Variants in FYCO1 observed in about 807,000 individuals in gnomAD.
FYCO1 encodes FYVE and coiled-coil domain-containing protein 1.
In FYCO1, 122 loss-of-function variants were observed where a neutral mutation model predicts 165.1. The observed-to-expected ratio is 0.74, with a 90% CI of 0.64 to 0.86. The LOEUF (loss-of-function observed/expected upper bound fraction) is 0.86, where lower values mean the gene tolerates loss of function less well. FYCO1 is among the 40% of genes least tolerant of loss of function. FYCO1 has a pLI of 0.00. For missense variants in FYCO1, 1,702 were observed against 1,810.3 expected (o/e 0.94, Z 1.09); for synonymous variants, 648 against 742.5 (o/e 0.87, Z 2.07).
intron 14 of FYCO1, among the ~76,000 whole-genome samples, chr3:45,937,931 C>G (rs1290041921): frequency 6.6e-6 from 1 of 152,126 alleles, no homozygotes; most frequent in Admixed American, 6.5e-5. Flanking sequence ...GTGCGGCCAC[C>G]CACTTGACAG....
At chr3:45,971,078 C>T (rs1478505248) in intron 6 of FYCO1, among the ~76,000 whole-genome samples, 1 of 152,120 alleles carries the variant, frequency 6.6e-6, no homozygotes, top group African/African-American at 2.4e-5. Context: ...AACCAAACCT[C>T]CCCACAAGAG....
In FYCO1 at chr3:45,968,197, T is replaced by G. The variant is rs779136457; in HGVS notation, c.1137A>C (p.Ala379=). Residue 379 remains alanine (A), a synonymous_variant, in exon 8 of 18, where the codon GCA becomes GCC. Transcript: ENST00000296137. The part of the protein sequence containing the change: ...PGWLAMAQQK[A]DTASDTKGRQ... ...GGCCCTTTGTGTCTGATGCCGTATC[T>G]GCCTTCTGCTGAGCCATGGCTAGCC... 1.6e-5 allele frequency: 26 copies of G among 1,614,098 alleles called. No homozygotes were observed. In the East Asian group the frequency reaches 5.6e-4, roughly 35 times the overall value.
At chr3:45,975,166 T>C in intron 5 of FYCO1, 73 bp downstream of exon 5, 2 of 988,996 alleles carry the variant, frequency 2.0e-6, no homozygotes, top group Non-Finnish European at 3.3e-6. Context: ...GTTGCAGCTG[T>C]CATTATTATT....
chr3:45,975,112 G>C (rs1706673979), intron 5 of FYCO1, 127 bp downstream of exon 5: 1 of 768,988 alleles, frequency 1.3e-6, no homozygotes. Flanking sequence ...TGATATATGT[G>C]GAAGGAGTCT....
chr3:45,962,464 G>A lies in FYCO1; in HGVS notation c.3270-72C>T. On this transcript the variant is annotated intron_variant, in intron 10 of 17. Transcript: ENST00000296137. This position sits in a 1 kb window ranked among gnomAD's most constrained non-coding sequence, Gnocchi z 4.4. Reference sequence around the variant, plus strand: ...TTTCCCAGGGCTCTAAGCTCACCCAGGACTCTAATGAGGGGTGCTACTGCC... The same window carrying A: ...TTTCCCAGGGCTCTAAGCTCACCCAAGACTCTAATGAGGGGTGCTACTGCC... 3.6e-6 allele frequency: 5 copies of A among 1,395,392 alleles called. No individual in the cohort carries two copies. The highest frequency in any genetic ancestry group is 5.1e-6 in the Non-Finnish European group (5 of 980,974). The allele number at this position is 1,395,392 out of a possible 1,614,324, so 86.4% of individuals were successfully genotyped here. A position where few individuals can be genotyped will look rare whatever the true frequency, so the allele number is the denominator to read the frequency against.
intron 2 of FYCO1, among the ~76,000 whole-genome samples, chr3:45,982,605 ATCCTGGAAAACCTTT>A (rs576973058): frequency 3.4e-4 from 45 of 132,502 alleles, no homozygotes; most frequent in African/African-American, 1.3e-3. Flanking sequence ...TTTGGTTTAG[ATCCTGGAAAACCTTT>A]TCCCAGCAGA....
At chr3:45,945,641 C>G (rs1217953910) in intron 14 of FYCO1, 1 of 152,148 alleles carries the variant, frequency 6.6e-6, no homozygotes, top group Non-Finnish European at 1.5e-5. Flanking sequence ...GGAAATCTAC[C>G]TTTTAAGAGA....
At chr3:45,943,765 AG>A (rs1257070693) in intron 14 of FYCO1, among the ~76,000 whole-genome samples, 2 of 152,192 alleles carry the variant, frequency 1.3e-5, no homozygotes, top group Non-Finnish European at 2.9e-5. Context: ...GCACACAGTT[AG>A]TGCTTGCAGG....
In FYCO1 at chr3:45,966,522, C is replaced by G. The variant is rs1706026938; in HGVS notation, c.2812G>C (p.Glu938Gln). The change falls in exon 8 of 18, where the codon GAG (glutamate) becomes CAG (glutamine). Residue 938 changes from glutamate to glutamine, a missense_variant. Coordinates refer to ENST00000296137, the MANE Select transcript of FYCO1 (RefSeq NM_024513.4). ...CCCTCTCGCTCCCTTGAGGCTGCCTCTTTGGCGTCCTGGAGCTCCTGGACA... is the reference window on the plus strand; with the variant it reads ...CCCTCTCGCTCCCTTGAGGCTGCCTGTTTGGCGTCCTGGAGCTCCTGGACA... ...CAVQELQDAK[E>Q]AASREREGLE... 1.2e-6 allele frequency: 2 copies of G among 1,613,240 alleles called. No individual in the cohort carries two copies. Among genetic ancestry groups the G allele is most frequent in the African/African-American group, 2.7e-5 (2 of 74,936 alleles).
intron 3 of FYCO1, among the ~76,000 whole-genome samples, chr3:45,980,079 G>A (rs1016110924): frequency 6.6e-6 from 1 of 152,240 alleles, no homozygotes; most frequent in Non-Finnish European, 1.5e-5. Flanking sequence ...GCCATGTGCG[G>A]TGGCTCACGC....
Position 45,964,620 on chromosome 3 carries a change from G to C in FYCO1, c.3151-166C>G. The C allele has an allele frequency of 1.1e-6, 1 of 887,648 alleles. No homozygotes were observed. Among genetic ancestry groups the C allele is most frequent in the Non-Finnish European group, 1.4e-6 (1 of 740,720 alleles). 55.0% of individuals were successfully genotyped at this position (887,648 alleles called of 1,614,324 possible). On this transcript the variant is annotated intron_variant, in intron 9 of 17. Coordinates refer to ENST00000296137, the MANE Select transcript of FYCO1 (RefSeq NM_024513.4). This position sits in a 1 kb window ranked among gnomAD's most constrained non-coding sequence, Gnocchi z 4.1. ...ATGAACCTCTGCTCTATATTTGTGG[G>C]GCCTCAACTGCAACTAGTTGTGGTG...
chr3:45,979,730 A>G lies in FYCO1; in HGVS notation c.263T>C (p.Ile88Thr), dbSNP rs770956031. 14 of 1,613,962 alleles carry G rather than the reference A, an allele frequency of 8.7e-6. No homozygotes were observed. In the East Asian group the frequency reaches 3.1e-4, roughly 36 times the overall value. The change falls in exon 4 of 18, where the codon ATC (isoleucine) becomes ACC (threonine). Residue 88 changes from isoleucine (I) to threonine (T), a missense_variant. Transcript: ENST00000296137. ...LAKVKGANDG[I>T]RFVKSISELR... ...CTCTGAGATAGACTTGACAAAGCGG[A>G]TCCCATCATTGGCTCCTTTCACCTT... is the stretch of plus-strand genomic sequence containing the variant.
In FYCO1 at chr3:45,966,350, G is replaced by A; in HGVS notation, c.2984C>T (p.Ala995Val). The change falls in exon 8 of 18, where the codon GCT (alanine) becomes GTT (valine). Residue 995 changes from alanine (A) to valine (V), a missense_variant. Physicochemically the swap from Ala to Val is moderately conservative, Grantham distance 64. Coordinates refer to ENST00000296137, the MANE Select transcript of FYCO1 (RefSeq NM_024513.4). ...AEQRAQSLQE[A>V]AHQELNTLKF... ...GAGGGTGTTGAGCTCCTGGTGTGCA[G>A]CCTCTTGGAGGCTCTGGGCCCGCTG... The A allele has an allele frequency of 6.2e-7, 1 of 1,614,234 alleles. No homozygotes were observed. Among genetic ancestry groups the A allele is most frequent in the Non-Finnish European group, 8.5e-7 (1 of 1,180,030 alleles).
Position 45,921,496 on chromosome 3 carries a change from C to T in FYCO1, c.*269G>A. On this transcript the variant is annotated 3_prime_UTR_variant, in exon 18 of 18. Coordinates refer to ENST00000296137, the MANE Select transcript of FYCO1 (RefSeq NM_024513.4). ...GCTGATGGTCTCCTGGGTGTTTAAA[C>T]CTTTGGCAGAGCATCCCTTTGGGTG... is the stretch of plus-strand genomic sequence containing the variant. 2.2e-6 allele frequency: 1 copy of T among 459,652 alleles called. No homozygotes were observed. Among genetic ancestry groups the T allele is most frequent in the Non-Finnish European group, 4.0e-6 (1 of 248,288 alleles). The allele number at this position is 459,652 out of a possible 1,614,324, so 28.5% of individuals were successfully genotyped here. A position where few individuals can be genotyped will look rare whatever the true frequency, so the allele number is the denominator to read the frequency against.
intron 14 of FYCO1, 41 bp downstream of exon 14, chr3:45,955,208 C>T (rs1470442598): frequency 2.5e-6 from 4 of 1,609,046 alleles, no homozygotes; most frequent in Middle Eastern, 2.0e-4. Context: ...GGGGCCAGGC[C>T]TGTAATGAGC....
At chr3:45,925,652 A>C (rs1363420605) in intron 16 of FYCO1, among the ~76,000 whole-genome samples, 2 of 152,212 alleles carry the variant, frequency 1.3e-5, no homozygotes, top group Admixed American at 6.5e-5. Context: ...GTGAATTCCC[A>C]CAAAGGACTC....
chr3:45,959,875 C>A (rs34849862), intron 11 of FYCO1, among the ~76,000 whole-genome samples: 13,540 of 152,262 alleles, frequency 0.089, 1,008 homozygotes, highest in South Asian at 0.35. Context: ...TAAGCTAAAA[C>A]GTGCTGCCAT....
At chr3:45,982,614 A>G (rs1034768888) in intron 2 of FYCO1, among the ~76,000 whole-genome samples, 2 of 94,568 alleles carry the variant, frequency 2.1e-5, no homozygotes, top group African/African-American at 8.7e-5. Context: ...GATCCTGGAA[A>G]ACCTTTTCCC....
At chr3:45,953,702 T>C (rs1468967989) in intron 14 of FYCO1, among the ~76,000 whole-genome samples, 1 of 152,202 alleles carries the variant, frequency 6.6e-6, no homozygotes, top group Non-Finnish European at 1.5e-5. Flanking sequence ...GAAGGTTCAG[T>C]GGATCCAGGT....
Sources: allele counts gnomAD v4.1 joint callset (sites outside exome capture counted in the v4.1 genomes callset), GRCh38; gene constraint gnomAD v4.1.1; non-coding constraint Gnocchi (gnomAD v3.1); transcripts MANE v1.5; gene names NCBI Gene and HGNC (gene_info 2026-07-23, HGNC 2026-07-21).